RNF17: variants seen among roughly 807,000 people sequenced by gnomAD.
RNF17 encodes spermatogenesis associated 23.
RNF17 carries 31 observed loss-of-function variants against 200.5 expected under a neutral mutation model. That is an observed-to-expected ratio of 0.15 (90% CI 0.12 to 0.21). The LOEUF (loss-of-function observed/expected upper bound fraction) is 0.21. Ranked by LOEUF, RNF17 falls within the 10% of genes least tolerant of loss-of-function variation. The pLI, the probability that RNF17 is intolerant of heterozygous loss-of-function variation, is 1.00. For synonymous variants in RNF17, 606 were observed against 637.8 expected, an observed-to-expected ratio of 0.95 and a Z score of 0.75; for missense variants, 1,628 against 1,905.1, an observed-to-expected ratio of 0.85 and a Z score of 2.71.
intron 15 of RNF17, among the ~76,000 whole-genome samples, chr13:24,808,146 T>A (rs1886127160): frequency 6.6e-6 from 1 of 151,184 alleles, no homozygotes. Flanking sequence ...TTTGGTTCCA[T>A]ATGAACTTTA....
In RNF17 at chr13:24,781,705, T is replaced by C. The variant is rs7337361; in HGVS notation, c.511-139T>C. 597 of 601,720 alleles carry C rather than the reference T, an allele frequency of 9.9e-4. 5 individuals are homozygous for C. Among genetic ancestry groups the C allele is most frequent in the African/African-American group, 9.8e-3 (524 of 53,210 alleles). The allele number at this position is 601,720 out of a possible 1,614,324, so 37.3% of individuals were successfully genotyped here. A position where few individuals can be genotyped will look rare whatever the true frequency, so the allele number is the denominator to read the frequency against. ...ACTTAATGTTGAACCTTGTGACTTA[T>C]TCTATTTATATTATTATCTCTTTAC... is the stretch of plus-strand genomic sequence containing the variant. On this transcript the variant is annotated intron_variant, in intron 5 of 35. Transcript: ENST00000255324.
rs548407629 is a variant in RNF17 at position 24,868,842 on chromosome 13, G to A, written c.4278+126G>A. ...AAATGTTGCAAATTCGTGAACTCTA[G>A]TTTGCCCCACCCTATAATATCCTCT... On this transcript the variant is annotated intron_variant, in intron 31 of 35. Coordinates refer to ENST00000255324, the MANE Select transcript of RNF17 (RefSeq NM_031277.3). The A allele has an allele frequency of 4.5e-6, 3 of 660,500 alleles. No individual in the cohort carries two copies. In the East Asian group the frequency reaches 7.9e-5, roughly 17 times the overall value. The allele number at this position is 660,500 out of a possible 1,614,324, so 40.9% of individuals were successfully genotyped here.
intron 32 of RNF17, among the ~76,000 whole-genome samples, chr13:24,871,179 T>C (rs555414507): frequency 2.6e-5 from 4 of 152,328 alleles, no homozygotes; most frequent in Admixed American, 1.3e-4. Context: ...TTTTATCTTT[T>C]CAGTCCATTC....
chr13:24,804,621 A>G (rs79853493), intron 15 of RNF17, among the ~76,000 whole-genome samples, 192 bp downstream of exon 15: 16,027 of 152,208 alleles, frequency 0.11, 1,061 homozygotes, highest in Admixed American at 0.14. Context: ...TGAAAGAACA[A>G]TGAAGGATAA....
At chr13:24,846,365 A>G (rs201416384) in intron 22 of RNF17, among the ~76,000 whole-genome samples, 3 of 152,222 alleles carry the variant, frequency 2.0e-5, no homozygotes, top group African/African-American at 7.2e-5. Context: ...TTTTATTGGC[A>G]AAAATTGGAT....
the RNF17 span, among the ~76,000 whole-genome samples, chr13:24,749,307 C>CTTTCTTTCTTTCTTTCTTTTT: frequency 9.3e-6 from 1 of 108,032 alleles, no homozygotes; most frequent in Non-Finnish European, 1.8e-5. Flanking sequence ...TTCTTTCTTT[C>CTTTCTTTCTTTCTTTCTTTTT]TTTTTTTTTT....
chr13:24,794,634 C>G (rs1305054857), intron 10 of RNF17, among the ~76,000 whole-genome samples: 1 of 151,902 alleles, frequency 6.6e-6, no homozygotes, highest in African/African-American at 2.4e-5. Context: ...GAGATCCCAC[C>G]ACTGCACTCC....
At chr13:24,774,334 CTAGTAGCTGGGATTACAGGCGCCT>C (rs1391062275) in intron 2 of RNF17, among the ~76,000 whole-genome samples, 2 of 152,136 alleles carry the variant, frequency 1.3e-5, no homozygotes, top group Non-Finnish European at 2.9e-5. Flanking sequence ...CTCAGCCTCC[CTAGTAGCTGGGATTACAGGCGCCT>C]GCCACCATGC....
At chr13:24,862,208 C>T (rs1223976596) in intron 27 of RNF17, among the ~76,000 whole-genome samples, 7 of 152,116 alleles carry the variant, frequency 4.6e-5, no homozygotes, top group East Asian at 1.9e-4. Context: ...GTGATACTGC[C>T]GTCAAGATGT....
chr13:24,797,098 G>A (rs1020701423), intron 11 of RNF17, among the ~76,000 whole-genome samples: 1 of 152,100 alleles, frequency 6.6e-6, no homozygotes, highest in African/African-American at 2.4e-5. Flanking sequence ...TATGTGAGCT[G>A]GGAACATTAG....
chr13:24,839,176 A>G (rs919806303), intron 18 of RNF17, among the ~76,000 whole-genome samples: 4 of 152,192 alleles, frequency 2.6e-5, no homozygotes, highest in South Asian at 4.1e-4. Context: ...CATAGAGGAC[A>G]TGAACAAATG....
At chr13:24,875,777 C>T (rs1038024103) in intron 33 of RNF17, among the ~76,000 whole-genome samples, 21 of 152,212 alleles carry the variant, frequency 1.4e-4, no homozygotes, top group Non-Finnish European at 2.8e-4. Context: ...GCAAAGGTCA[C>T]GGCAACAATT....
the RNF17 span, among the ~76,000 whole-genome samples, chr13:24,753,521 G>C: frequency 6.6e-6 from 1 of 152,212 alleles, no homozygotes; most frequent in South Asian, 2.1e-4. Flanking sequence ...TCCATGAACT[G>C]TGCTTACCTG....
At chr13:24,860,661 A>G (rs1892995147) in intron 26 of RNF17, among the ~76,000 whole-genome samples, 1 of 152,206 alleles carries the variant, frequency 6.6e-6, no homozygotes, top group Admixed American at 6.5e-5. Flanking sequence ...CAATTTAGAA[A>G]TTGAATTATC....
chr13:24,773,754 TG>T (rs1345138441), intron 2 of RNF17, among the ~76,000 whole-genome samples: 1 of 151,404 alleles, frequency 6.6e-6, no homozygotes, highest in Non-Finnish European at 1.5e-5. Flanking sequence ...ATTGACTGAG[TG>T]AAGTTAGAGG....
chr13:24,867,393 A>G (rs1430815123), intron 30 of RNF17, among the ~76,000 whole-genome samples: 1 of 152,122 alleles, frequency 6.6e-6, no homozygotes, highest in Non-Finnish European at 1.5e-5. Context: ...AGTCCAATTT[A>G]TCTGTTTTTT....
intron 23 of RNF17, 147 bp from the exon 24 acceptor site, chr13:24,851,309 A>G: frequency 4.6e-6 from 3 of 652,284 alleles, no homozygotes; most frequent in Non-Finnish European, 8.1e-6. Flanking sequence ...CTATTTTTGG[A>G]TGTGTTTAGA....
chr13:24,852,599 G>A (rs1892061205), intron 24 of RNF17, among the ~76,000 whole-genome samples: 2 of 152,142 alleles, frequency 1.3e-5, no homozygotes, highest in South Asian at 4.1e-4. Context: ...TGATGAAATG[G>A]AAAGAGAATT....
downstream of RNF17, chr13:24,883,514 TAC>T (rs999540560): frequency 1.1e-5 from 7 of 638,436 alleles, no homozygotes; most frequent in South Asian, 1.1e-4. Flanking sequence ...TGTAACTTTC[TAC>T]AGTGTTTCTG....
Sources: allele counts gnomAD v4.1 joint callset (sites outside exome capture counted in the v4.1 genomes callset), GRCh38; gene constraint gnomAD v4.1.1; transcripts MANE v1.5; gene names NCBI Gene and HGNC (gene_info 2026-07-23, HGNC 2026-07-21).